The following TUBA1C variants were observed in gnomAD, a reference collection of about 807,000 sequenced individuals.
The protein encoded by TUBA1C is tubulin alpha 1c, also known as tubulin alpha-1C chain.
In TUBA1C, 16 loss-of-function variants were observed where a neutral mutation model predicts 34.9. That is an observed-to-expected ratio of 0.46 (90% CI 0.31 to 0.70). The LOEUF is 0.70. Among genes scored for constraint, TUBA1C ranks in the 30% least tolerant of loss-of-function variants. The pLI, the probability that TUBA1C is intolerant of heterozygous loss-of-function variation, is 0.05. For synonymous variants in TUBA1C, 177 were observed against 215.9 expected, an observed-to-expected ratio of 0.82 and a Z score of 1.58; for missense variants, 329 against 587.3, an observed-to-expected ratio of 0.56 and a Z score of 4.55.
Position 49,273,354 on chromosome 12 carries a change from C to T in TUBA1C, c.*127C>T. ...TTTAAATGTCGAGCTGACTTAAATA[C>T]TTGATCCAGTTAAAGTTGGATGTAT... is the stretch of plus-strand genomic sequence containing the variant. On this transcript the variant is annotated 3_prime_UTR_variant, in exon 4 of 4. Transcript: ENST00000301072. 2 of 1,554,508 alleles carry T rather than the reference C, an allele frequency of 1.3e-6. No individual in the cohort carries two copies. Among genetic ancestry groups the T allele is most frequent in the Non-Finnish European group, 1.7e-6 (2 of 1,143,206 alleles).
At chr12:49,266,883 T>C (rs1337545806) in intron 1 of TUBA1C, among the ~76,000 whole-genome samples, 2 of 152,170 alleles carry the variant, frequency 1.3e-5, no homozygotes, top group Non-Finnish European at 2.9e-5. Context: ...TAAATACATG[T>C]ATATGTCGCA....
upstream of TUBA1C, among the ~76,000 whole-genome samples, chr12:49,262,736 T>G (rs753041979): frequency 5.9e-5 from 9 of 151,866 alleles, no homozygotes; most frequent in Non-Finnish European, 1.0e-4. Context: ...GCTGACATCA[T>G]GCCATTGCAC....
At position 49,265,085 on chromosome 12, in the gene TUBA1C, A is replaced by G. The variant is rs769164564; in HGVS notation, c.-97A>G. On this transcript the variant is annotated 5_prime_UTR_variant, in exon 1 of 4. Coordinates refer to ENST00000301072, the MANE Select transcript of TUBA1C (RefSeq NM_032704.5). The stretch of plus-strand genomic sequence containing the variant: ...CTTCGGGGCCGGCCACCCTTTCACT[A>G]CTTCTCCCCCGGACTCCTTGGTAGT... 1.5e-5 allele frequency: 22 copies of G among 1,448,960 alleles called. No homozygotes were observed. The highest frequency in any genetic ancestry group is 2.0e-5 in the Non-Finnish European group (22 of 1,083,792). The allele number at this position is 1,448,960 out of a possible 1,614,324, so 89.8% of individuals were successfully genotyped here. A position where few individuals can be genotyped will look rare whatever the true frequency, so the allele number is the denominator to read the frequency against.
intron 1 of TUBA1C, among the ~76,000 whole-genome samples, chr12:49,257,410 C>T (rs1162456379): frequency 6.6e-6 from 1 of 151,966 alleles, no homozygotes; most frequent in Non-Finnish European, 1.5e-5. Flanking sequence ...GGATGAACAC[C>T]TAGCATGCAG....
At chr12:49,253,198 ACTTTAAATGGAACTCTCGG>A (rs982407479) in intron 1 of TUBA1C, among the ~76,000 whole-genome samples, 3 of 152,208 alleles carry the variant, frequency 2.0e-5, no homozygotes, top group African/African-American at 7.2e-5. Context: ...GTAGTCATGA[ACTTTAAATGGAACTCTCGG>A]CATACCACAG....
At chr12:49,237,162 G>A (rs1942563843) in intron 1 of TUBA1C, among the ~76,000 whole-genome samples, 1 of 152,206 alleles carries the variant, frequency 6.6e-6, no homozygotes, top group South Asian at 2.1e-4. Flanking sequence ...GCTCACACCT[G>A]TAGTCCCAAC....
At chr12:49,263,023 C>CTTT (rs758187649), upstream of TUBA1C, among the ~76,000 whole-genome samples, 49 of 117,088 alleles carry the variant, frequency 4.2e-4, no homozygotes, top group East Asian at 1.4e-3. Flanking sequence ...GAGAATTACT[C>CTTT]TTTTTTTTTT....
rs1395029935 is a variant in TUBA1C at position 49,273,446 on chromosome 12, CATG to C, written c.*222_*224del. 1.7e-5 allele frequency: 12 copies of C among 719,884 alleles called. 1 individual carries two copies. Among genetic ancestry groups the C allele is most frequent in the South Asian group, 7.1e-5 (4 of 56,108 alleles). The allele number at this position is 719,884 out of a possible 1,614,324, so 44.6% of individuals were successfully genotyped here. ...TGTCACCCAGGCTGGAGTGCAGTGG[CATG>C]ATAATACATAGCTCATTGCAGCCTC... On this transcript the variant is annotated 3_prime_UTR_variant, in exon 4 of 4. Coordinates refer to ENST00000301072, the MANE Select transcript of TUBA1C (RefSeq NM_032704.5).
At chr12:49,231,015 G>A (rs1019851397) in intron 1 of TUBA1C, among the ~76,000 whole-genome samples, 3 of 152,182 alleles carry the variant, frequency 2.0e-5, no homozygotes, top group Non-Finnish European at 2.9e-5. Flanking sequence ...AAGGTCAGCT[G>A]CTGTCATTGT....
chr12:49,273,470 G>C lies in TUBA1C; in HGVS notation c.*243G>C. 1 of 600,222 alleles carries C rather than the reference G, an allele frequency of 1.7e-6. No homozygotes were observed. The highest frequency in any genetic ancestry group is 2.8e-6 in the Non-Finnish European group (1 of 353,954). The allele number at this position is 600,222 out of a possible 1,614,324, so 37.2% of individuals were successfully genotyped here. A position where few individuals can be genotyped will look rare whatever the true frequency, so the allele number is the denominator to read the frequency against. ...GCATGATAATACATAGCTCATTGCAGCCTCGAGCTCCTGGACTCATGTGAT... is the reference window on the plus strand; with the variant it reads ...GCATGATAATACATAGCTCATTGCACCCTCGAGCTCCTGGACTCATGTGAT... On this transcript the variant is annotated 3_prime_UTR_variant, in exon 4 of 4. Transcript: ENST00000301072.
intron 1 of TUBA1C, among the ~76,000 whole-genome samples, chr12:49,240,347 T>C (rs1942602324): frequency 6.6e-6 from 1 of 151,816 alleles, no homozygotes; most frequent in South Asian, 2.1e-4. Context: ...AGTTTCTATC[T>C]GGACCCTAGA....
At chr12:49,244,772 T>C (rs1211632741) in intron 1 of TUBA1C, among the ~76,000 whole-genome samples, 1 of 152,096 alleles carries the variant, frequency 6.6e-6, no homozygotes, top group East Asian at 1.9e-4. Context: ...CTCCACTGTG[T>C]GTAAGGATGG....
intron 1 of TUBA1C, among the ~76,000 whole-genome samples, chr12:49,268,973 G>T (rs1423416449): frequency 6.6e-6 from 1 of 152,160 alleles, no homozygotes; most frequent in Non-Finnish European, 1.5e-5. Context: ...CACATCTTTG[G>T]TTTTCCAAGG....
intron 1 of TUBA1C, chr12:49,233,830 G>C (rs568853875): frequency 6.6e-6 from 1 of 152,430 alleles, no homozygotes; most frequent in African/African-American, 2.4e-5. Flanking sequence ...GCAGGGCTGC[G>C]TAAGCGAAAG....
chr12:49,262,706 G>A (rs547856588), upstream of TUBA1C, among the ~76,000 whole-genome samples: 31 of 152,214 alleles, frequency 2.0e-4, no homozygotes, highest in Non-Finnish European at 4.0e-4. Flanking sequence ...CTTGAACCTG[G>A]GAGGTGGAGG....
At chr12:49,240,498 G>A (rs1942604000) in intron 1 of TUBA1C, among the ~76,000 whole-genome samples, 1 of 152,140 alleles carries the variant, frequency 6.6e-6, no homozygotes, top group African/African-American at 2.4e-5. Flanking sequence ...TTATCAGAGG[G>A]TCTTGGCTTT....
chr12:49,261,730 G>C (rs1490388745), upstream of TUBA1C, among the ~76,000 whole-genome samples: 1 of 151,872 alleles, frequency 6.6e-6, no homozygotes, highest in Non-Finnish European at 1.5e-5. Flanking sequence ...CAGGAGTTAG[G>C]CTGAAAAAAA....
chr12:49,234,465 G>A (rs894350945), intron 1 of TUBA1C, among the ~76,000 whole-genome samples: 3 of 152,262 alleles, frequency 2.0e-5, no homozygotes, highest in Admixed American at 1.3e-4. Context: ...GCAGAAAGGA[G>A]GCTGTGGTTG....
chr12:49,247,418 A>G (rs1360483778), intron 1 of TUBA1C, among the ~76,000 whole-genome samples: 1 of 141,258 alleles, frequency 7.1e-6, no homozygotes, highest in Non-Finnish European at 1.6e-5. Flanking sequence ...TTAGCTGAAC[A>G]TGGTGGCATG....
Sources: gnomAD v4.1 joint callset for allele counts (sites outside exome capture counted in the v4.1 genomes callset) on GRCh38, gnomAD v4.1.1 for gene constraint, MANE v1.5 for transcripts, NCBI Gene and HGNC (gene_info 2026-07-23, HGNC 2026-07-21) for gene names.